Variants in MYO9B observed in about 807,000 individuals in gnomAD.
The protein encoded by MYO9B is unconventional myosin-IXb.
Under a neutral mutation model 229.5 loss-of-function variants are expected in MYO9B, and 71 were observed. That is an observed-to-expected ratio of 0.31 (90% CI 0.26 to 0.38). The LOEUF (loss-of-function observed/expected upper bound fraction) is 0.38. Ranked by LOEUF, MYO9B falls within the 10% of genes least tolerant of loss-of-function variation. MYO9B has a pLI of 1.00. For synonymous variants in MYO9B, 1,185 were observed against 1,235.8 expected, an observed-to-expected ratio of 0.96 and a Z score of 0.86; for missense variants, 2,255 against 2,920.5, an observed-to-expected ratio of 0.77 and a Z score of 5.25.
At chr19:17,181,912 A>G (rs2072865720) in intron 15 of MYO9B, among the ~76,000 whole-genome samples, 1 of 151,708 alleles carries the variant, frequency 6.6e-6, no homozygotes, top group Non-Finnish European at 1.5e-5. Context: ...AGTAGCTGGG[A>G]TTGCTAACAC....
chr19:17,181,761 C>T (rs1414511003), intron 15 of MYO9B, among the ~76,000 whole-genome samples: 1 of 152,076 alleles, frequency 6.6e-6, no homozygotes, highest in Non-Finnish European at 1.5e-5. Flanking sequence ...TTCTTTCGTT[C>T]GTTCTTTATT....
At position 17,209,646 on chromosome 19, in the gene MYO9B, C is replaced by T. The variant is rs2073203026; in HGVS notation, c.5685C>T (p.Ile1895=). Residue 1895 remains isoleucine (I), a synonymous_variant, in exon 36 of 40, where the codon ATC becomes ATT. Transcript: ENST00000682292. The part of the protein sequence containing the change: ...MRKYKVKMEE[I]SQLEAAESIA... ...AATACAAAGTGAAGATGGAGGAGAT[C>T]AGCCAACTGGAGGCTGCAGAGAGTA... is the stretch of plus-strand genomic sequence containing the variant. 6.2e-7 allele frequency: 1 copy of T among 1,610,906 alleles called. No homozygotes were observed. Among genetic ancestry groups the T allele is most frequent in the African/African-American group, 1.3e-5 (1 of 74,922 alleles).
chr19:17,124,635 C>T (rs1293239739), intron 2 of MYO9B, among the ~76,000 whole-genome samples: 2 of 151,560 alleles, frequency 1.3e-5, no homozygotes, highest in South Asian at 2.1e-4. Context: ...AGCCGGGCAC[C>T]TGTAATCCCA....
intron 30 of MYO9B, among the ~76,000 whole-genome samples, chr19:17,203,637 A>C (rs919977228): frequency 4.8e-5 from 7 of 145,834 alleles, no homozygotes; most frequent in Non-Finnish European, 7.5e-5. Context: ...AAAGGTCTTC[A>C]CCCCAGCCCA....
rs757253305 is a variant in MYO9B, at chr19:17,172,497, C to T, written c.1935+20C>T. The stretch of plus-strand genomic sequence containing the variant: ...ATCAAGGTAGGTGTCTGCCCATCAC[C>T]ACTGGTGGAAGCCTGAGGGAAGCCA... On this transcript the variant is annotated intron_variant, in intron 12 of 39. Coordinates refer to ENST00000682292, the MANE Select transcript of MYO9B (RefSeq NM_004145.4). This position sits in a 1 kb window ranked among gnomAD's most constrained non-coding sequence, Gnocchi z 8.2. 9.3e-6 allele frequency: 15 copies of T among 1,611,560 alleles called. No homozygotes were observed. In the South Asian group the frequency reaches 1.7e-4, roughly 18 times the overall value.
intron 8 of MYO9B, 108 bp from the exon 9 acceptor site, chr19:17,162,242 T>G: frequency 1.2e-6 from 1 of 823,390 alleles, no homozygotes; most frequent in Non-Finnish European, 1.9e-6. Context: ...GAGGTGGAGG[T>G]TGCAGTGAGC....
Position 17,202,228 on chromosome 19 carries a change from G to C in MYO9B, c.4761G>C (p.Leu1587=), listed in dbSNP as rs1188920789. The C allele has an allele frequency of 1.9e-6, 3 of 1,610,532 alleles. No individual in the cohort carries two copies. The Admixed American group carries it at 5.1e-5, about 27-fold the overall frequency. ...AGCGTGGCCAGAAGGACACCAACCTGGTCCTCAACCTCTTCCAGTCACTGC... is the reference window on the plus strand; with the variant it reads ...AGCGTGGCCAGAAGGACACCAACCTCGTCCTCAACCTCTTCCAGTCACTGC... The part of the protein sequence containing the change: ...ATERGQKDTN[L]VLNLFQSLLD... The change falls in exon 28 of 40, where the codon CTG becomes CTC. Residue 1587 remains leucine (L), a synonymous_variant. Coordinates refer to ENST00000682292, the MANE Select transcript of MYO9B (RefSeq NM_004145.4).
intron 10 of MYO9B, among the ~76,000 whole-genome samples, chr19:17,165,622 T>A (rs1203684915): frequency 6.6e-6 from 1 of 152,034 alleles, no homozygotes; most frequent in Non-Finnish European, 1.5e-5. Flanking sequence ...AAAATTTTTT[T>A]ATTAACCAGG....
At chr19:17,107,910 G>A (rs961114135) in intron 2 of MYO9B, among the ~76,000 whole-genome samples, 4 of 152,082 alleles carry the variant, frequency 2.6e-5, no homozygotes, top group African/African-American at 7.2e-5. Flanking sequence ...TTTTGGGGGC[G>A]GGGGGCTCAA....
At chr19:17,086,421 G>A (rs551777944) in intron 1 of MYO9B, among the ~76,000 whole-genome samples, 3 of 152,284 alleles carry the variant, frequency 2.0e-5, no homozygotes, top group South Asian at 2.1e-4. Flanking sequence ...CCTGAGCGCC[G>A]CCCCACAGGT....
chr19:17,154,477 AC>A, intron 6 of MYO9B, 62 bp downstream of exon 6: 1 of 1,309,642 alleles, frequency 7.6e-7, no homozygotes, highest in Non-Finnish European at 1.1e-6. Flanking sequence ...CATGGCCCTT[AC>A]CAGTCACTCT....
intron 2 of MYO9B, among the ~76,000 whole-genome samples, chr19:17,141,795 G>T (rs899992120): frequency 2.0e-5 from 3 of 152,160 alleles, no homozygotes; most frequent in African/African-American, 7.2e-5. Context: ...GCCCCAGAGG[G>T]GACCCCTGCA....
intron 2 of MYO9B, among the ~76,000 whole-genome samples, chr19:17,115,142 C>A (rs2057889086): frequency 1.3e-5 from 2 of 152,094 alleles, no homozygotes. Context: ...CCACGTGCCA[C>A]CACGCCAGCA....
intron 21 of MYO9B, among the ~76,000 whole-genome samples, chr19:17,194,278 A>G (rs1309832233): frequency 6.6e-6 from 1 of 152,222 alleles, no homozygotes; most frequent in Admixed American, 6.5e-5. Flanking sequence ...AGGCTTCTTA[A>G]TAGAACCCAC....
intron 2 of MYO9B, among the ~76,000 whole-genome samples, chr19:17,140,740 G>A (rs1267399400): frequency 3.3e-5 from 5 of 150,734 alleles, no homozygotes; most frequent in South Asian, 2.1e-4. Context: ...CGCCTGCCTC[G>A]GCCTCCCAAA....
At chr19:17,100,411 T>C (rs2057733846) in intron 1 of MYO9B, among the ~76,000 whole-genome samples, 1 of 151,494 alleles carries the variant, frequency 6.6e-6, no homozygotes, top group Non-Finnish European at 1.5e-5. Context: ...CAGCAGAGGT[T>C]GCAGTGAGCC....
intron 2 of MYO9B, among the ~76,000 whole-genome samples, chr19:17,138,121 A>G (rs1010487931): frequency 2.0e-5 from 3 of 151,522 alleles, no homozygotes; most frequent in Admixed American, 6.6e-5. Flanking sequence ...TCATTGTTCA[A>G]CTCCCATTTA....
intron 11 of MYO9B, among the ~76,000 whole-genome samples, chr19:17,170,851 T>C (rs1323625733): frequency 7.2e-4 from 58 of 80,840 alleles, no homozygotes; most frequent in African/African-American, 2.9e-3. Flanking sequence ...AAAAAAAAAG[T>C]AGAGACGGCA....
In MYO9B at chr19:17,188,048, A is replaced by G. The variant is rs1235500837; in HGVS notation, c.2688+3A>G. 6.3e-7 allele frequency: 1 copy of G among 1,583,424 alleles called. No individual in the cohort carries two copies. Among genetic ancestry groups the G allele is most frequent in the Non-Finnish European group, 8.6e-7 (1 of 1,164,698 alleles). On this transcript the variant is annotated splice_donor_region_variant and intron_variant, in intron 19 of 39. Coordinates refer to ENST00000682292, the MANE Select transcript of MYO9B (RefSeq NM_004145.4). ...ACAGCGCCAAGTACACGTTCCAGGT[A>G]GGCCACAAGCACATATACCTGGACA...
Sources: gnomAD v4.1 joint callset for allele counts (sites outside exome capture counted in the v4.1 genomes callset) on GRCh38, gnomAD v4.1.1 for gene constraint, Gnocchi (gnomAD v3.1) non-coding constraint, MANE v1.5 for transcripts, NCBI Gene and HGNC (gene_info 2026-07-23, HGNC 2026-07-21) for gene names.